HNRNPR: variants seen among roughly 807,000 people sequenced by gnomAD.
The protein encoded by HNRNPR is heterogeneous nuclear ribonucleoprotein R.
In HNRNPR, 4 loss-of-function variants were observed where a neutral mutation model predicts 70.3. That is an observed-to-expected ratio of 0.06 (90% CI 0.03 to 0.13). The LOEUF is 0.13. Among genes scored for constraint, HNRNPR ranks in the 10% least tolerant of loss-of-function variants. The pLI, the probability that HNRNPR is intolerant of heterozygous loss-of-function variation, is 1.00. For missense variants in HNRNPR, 423 were observed against 788.5 expected, an observed-to-expected ratio of 0.54 and a Z score of 5.55; for synonymous variants, 241 against 267.6, an observed-to-expected ratio of 0.90 and a Z score of 0.97.
At chr1:23,311,817 GAT>G (rs1303775133) in intron 9 of HNRNPR, 5 of 152,572 alleles carry the variant, frequency 3.3e-5, no homozygotes, top group Non-Finnish European at 7.3e-5. Context: ...TACTGAGTGA[GAT>G]TATCTGTAAA....
intron 5 of HNRNPR, among the ~76,000 whole-genome samples, chr1:23,329,859 G>A (rs187989739): frequency 8.5e-5 from 13 of 152,216 alleles, no homozygotes; most frequent in Admixed American, 6.5e-4. Flanking sequence ...TCAAACACCT[G>A]GGTTCAAATG....
intron 6 of HNRNPR, among the ~76,000 whole-genome samples, chr1:23,321,873 C>T (rs745306777): frequency 3.3e-5 from 5 of 152,112 alleles, no homozygotes; most frequent in Non-Finnish European, 5.9e-5. Context: ...CTTCACTACT[C>T]TTCCATATAA....
Position 23,318,428 on chromosome 1 carries a change from C to T in HNRNPR, c.1017+55G>A. ...AAACTCAAAATATTTGAGCTTTATT[C>T]TGAGTACAAAATTTAAATGATGACC... On this transcript the variant is annotated intron_variant, in intron 8 of 10. Transcript: ENST00000302271. The surrounding 1 kb of genome is among the most constrained non-coding windows in gnomAD (Gnocchi z 4.2). The T allele has an allele frequency of 7.2e-7, 1 of 1,396,458 alleles. No homozygotes were observed. The highest frequency in any genetic ancestry group is 1.4e-5 in the African/African-American group (1 of 70,402). The allele number at this position is 1,396,458 out of a possible 1,614,324, so 86.5% of individuals were successfully genotyped here.
chr1:23,329,514 C>A (rs1361769571), intron 5 of HNRNPR, among the ~76,000 whole-genome samples: 1 of 152,174 alleles, frequency 6.6e-6, no homozygotes, highest in East Asian at 1.9e-4. Context: ...TACTGAATAC[C>A]ACAGTAACAT....
intron 8 of HNRNPR, among the ~76,000 whole-genome samples, chr1:23,314,369 A>T (rs546535670): frequency 6.6e-6 from 1 of 152,198 alleles, no homozygotes; most frequent in South Asian, 2.1e-4. Context: ...GTTATACTCA[A>T]CTACTAAAAA....
intron 5 of HNRNPR, among the ~76,000 whole-genome samples, chr1:23,330,626 T>TA (rs1646183278): frequency 6.6e-6 from 1 of 152,226 alleles, no homozygotes; most frequent in African/African-American, 2.4e-5. Context: ...AGAGTAGGTC[T>TA]GAGAGCTCAG....
chr1:23,324,929 A>G (rs1213000502), intron 5 of HNRNPR, among the ~76,000 whole-genome samples: 1 of 151,832 alleles, frequency 6.6e-6, no homozygotes, highest in Non-Finnish European at 1.5e-5. Flanking sequence ...TCACGAAGTC[A>G]GGAGACCGAG....
Position 23,318,168 on chromosome 1 carries a change from TA to T in HNRNPR, c.1017+314del, listed in dbSNP as rs1210867418. 1.2e-3 allele frequency among the ~76,000 whole-genome samples: 164 copies of T among 142,288 alleles called. No homozygotes were observed. Among genetic ancestry groups the T allele is most frequent in the Admixed American group, 2.2e-3 (31 of 14,188 alleles). The allele number at this position is 142,288 out of a possible 152,430, so 93.3% of individuals were successfully genotyped here. On this transcript the variant is annotated intron_variant, in intron 8 of 10. Transcript: ENST00000302271. The surrounding 1 kb of genome is among the most constrained non-coding windows in gnomAD (Gnocchi z 4.2). ...TACTTCTCTCTTTACTCAGGACTTT[TA>T]AAAAAAAAAAAAACCTCTATCCCTC...
In HNRNPR at chr1:23,308,685, G is replaced by C. The variant is rs1390838672; in HGVS notation, c.*1769C>G. 6.6e-6 allele frequency: 1 copy of C among 151,974 alleles called. No homozygotes were observed. The highest frequency in any genetic ancestry group is 1.5e-5 in the Non-Finnish European group (1 of 67,900). 9.4% of individuals were successfully genotyped at this position (151,974 alleles called of 1,614,324 possible). The stretch of plus-strand genomic sequence containing the variant: ...GTTAAATGACTATACTGTGTAATGA[G>C]TGTACTTTGAAAAAGAAATGAAATA... On this transcript the variant is annotated 3_prime_UTR_variant, in exon 11 of 11. Transcript: ENST00000302271.
At position 23,332,389 on chromosome 1, in the gene HNRNPR, C is replaced by A. The variant is rs564193852; in HGVS notation, c.498+1129G>T. Reference sequence around the variant, plus strand: ...GGCAAGGGAGAGGACAAGCACAGTTCTAAATTATTGATATTAAAAAAAAAA... The same window carrying A: ...GGCAAGGGAGAGGACAAGCACAGTTATAAATTATTGATATTAAAAAAAAAA... On this transcript the variant is annotated intron_variant, in intron 5 of 10. Transcript: ENST00000302271. Among the ~76,000 whole-genome samples the A allele has an allele frequency of 3.1e-5, 4 of 130,458 alleles. No individual in the cohort carries two copies. The East Asian group carries it at 8.6e-4, about 28-fold the overall frequency. 85.6% of individuals were successfully genotyped at this position (130,458 alleles called of 152,430 possible).
chr1:23,326,080 G>C (rs531688826), intron 5 of HNRNPR, among the ~76,000 whole-genome samples: 1 of 152,062 alleles, frequency 6.6e-6, no homozygotes, highest in African/African-American at 2.4e-5. Context: ...TGATGCTCAG[G>C]GTGGTCTCAA....
chr1:23,331,834 T>TAAAAAAAAAAAAAAAAAAA (rs59006948), intron 5 of HNRNPR, among the ~76,000 whole-genome samples: 2 of 59,270 alleles, frequency 3.4e-5, no homozygotes, highest in African/African-American at 4.6e-5. Flanking sequence ...ACTGTTTCTT[T>TAAAAAAAAAAAAAAAAAAA]AAAAAAAAAA....
intron 8 of HNRNPR, among the ~76,000 whole-genome samples, chr1:23,316,388 C>T (rs1002650500): frequency 2.0e-5 from 3 of 152,214 alleles, no homozygotes; most frequent in African/African-American, 4.8e-5. Flanking sequence ...CATTCTGAAA[C>T]CTGTTTTAGA....
chr1:23,337,667 A>G (rs1646552618), intron 4 of HNRNPR, 87 bp downstream of exon 4: 2 of 864,042 alleles, frequency 2.3e-6, no homozygotes, highest in Non-Finnish European at 3.7e-6. Context: ...AAAAAAAAAA[A>G]GTGAAACTTT....
chr1:23,328,221 G>A (rs1207969739), intron 5 of HNRNPR, among the ~76,000 whole-genome samples: 1 of 152,164 alleles, frequency 6.6e-6, no homozygotes, highest in Non-Finnish European at 1.5e-5. Context: ...TCCCAGATGT[G>A]TTGGGAAGCC....
intron 2 of HNRNPR, among the ~76,000 whole-genome samples, chr1:23,340,296 T>C (rs1298071373): frequency 1.3e-5 from 2 of 149,362 alleles, no homozygotes; most frequent in Non-Finnish European, 3.0e-5. Context: ...CACTTAACCA[T>C]GGCACTTCTG....
Position 23,313,697 on chromosome 1 carries a change from T to C in HNRNPR, c.1023A>G (p.Lys341=). 6.3e-7 allele frequency: 1 copy of C among 1,597,380 alleles called. No individual in the cohort carries two copies. Among genetic ancestry groups the C allele is most frequent in the Non-Finnish European group, 8.5e-7 (1 of 1,176,132 alleles). The change falls in exon 9 of 11, where the codon AAA becomes AAG. Residue 341 remains lysine, a synonymous_variant. Coordinates refer to ENST00000302271, the MANE Select transcript of HNRNPR (RefSeq NM_005826.5). The part of the protein sequence containing the change: ...EPDPEVMAKV[K]VLFVRNLATT... ...TAGCCAAGTTTCTCACAAACAAAAC[T>C]TTTACCTAGTAAGCAACAAATAAAC... is the stretch of plus-strand genomic sequence containing the variant.
intron 9 of HNRNPR, 120 bp downstream of exon 9, chr1:23,313,433 T>C (rs748280259): frequency 3.9e-5 from 27 of 686,206 alleles, no homozygotes; most frequent in Non-Finnish European, 6.4e-5. Context: ...AGAGATTAAA[T>C]AGAAAGAGTT....
chr1:23,314,962 A>C (rs769185838), intron 8 of HNRNPR, among the ~76,000 whole-genome samples: 7 of 152,192 alleles, frequency 4.6e-5, no homozygotes, highest in African/African-American at 1.7e-4. Flanking sequence ...CCTCCACAGA[A>C]TAGACTACTA....
Sources: allele counts gnomAD v4.1 joint callset (sites outside exome capture counted in the v4.1 genomes callset), GRCh38; gene constraint gnomAD v4.1.1; non-coding constraint Gnocchi (gnomAD v3.1); transcripts MANE v1.5; gene names NCBI Gene and HGNC (gene_info 2026-07-23, HGNC 2026-07-21).